TNNI3K: variants seen among roughly 807,000 people sequenced by gnomAD.
TNNI3K encodes the protein serine/threonine-protein kinase TNNI3K.
In TNNI3K, 140 loss-of-function variants were observed where a neutral mutation model predicts 114.5. The observed-to-expected ratio is 1.22, with a 90% confidence interval of 1.07 to 1.41. TNNI3K has a LOEUF of 1.41. TNNI3K is among the 40% of genes most tolerant of loss of function. The pLI, the probability that TNNI3K is intolerant of heterozygous loss-of-function variation, is 0.00. For synonymous variants in TNNI3K, 347 were observed against 347.5 expected, an observed-to-expected ratio of 1.00 and a Z score of 0.02; for missense variants, 1,125 against 1,007.6, an observed-to-expected ratio of 1.12 and a Z score of -1.58.
intron 4 of TNNI3K, among the ~76,000 whole-genome samples, chr1:74,257,084 C>A (rs1655361710): frequency 6.6e-6 from 1 of 151,944 alleles, no homozygotes; most frequent in Non-Finnish European, 1.5e-5. Flanking sequence ...CTTCTTCTTT[C>A]TTTCTGTTCT....
intron 23 of TNNI3K, among the ~76,000 whole-genome samples, chr1:74,524,532 A>C (rs1030234011): frequency 6.6e-6 from 1 of 152,172 alleles, no homozygotes; most frequent in Non-Finnish European, 1.5e-5. Flanking sequence ...AAAGTCACAT[A>C]AATCTCTTCT....
intron 2 of TNNI3K, among the ~76,000 whole-genome samples, chr1:74,238,875 G>A (rs1005121621): frequency 6.6e-6 from 1 of 152,030 alleles, no homozygotes; most frequent in African/African-American, 2.4e-5. Context: ...GATGGAGACT[G>A]TAGTACTTGC....
chr1:74,273,141 T>C (rs1656457823), intron 5 of TNNI3K, among the ~76,000 whole-genome samples: 1 of 151,924 alleles, frequency 6.6e-6, no homozygotes, highest in African/African-American at 2.4e-5. Context: ...CCATCTCCCT[T>C]AACAGTGTCA....
rs192207234 is a variant in TNNI3K at position 74,239,437 on chromosome 1, T to C, written c.149+3227T>C. On this transcript the variant is annotated intron_variant, in intron 2 of 24. Coordinates refer to ENST00000326637, the MANE Select transcript of TNNI3K (RefSeq NM_015978.3). ...TATCTAGAGCATTATAGGTGCTAAA[T>C]AAATGTTAGAATCTCATTACTCACC... 2.5e-3 allele frequency among the ~76,000 whole-genome samples: 376 copies of C among 152,218 alleles called. 1 individual carries two copies. Among genetic ancestry groups the C allele is most frequent in the African/African-American group, 8.6e-3 (356 of 41,556 alleles).
intron 17 of TNNI3K, among the ~76,000 whole-genome samples, chr1:74,387,996 A>G (rs900268012): frequency 6.6e-6 from 1 of 152,174 alleles, no homozygotes; most frequent in Admixed American, 6.5e-5. Flanking sequence ...AAGAACACTT[A>G]AGGCCGGGCA....
chr1:74,307,670 T>G (rs1314344671), intron 5 of TNNI3K, among the ~76,000 whole-genome samples: 4 of 152,076 alleles, frequency 2.6e-5, no homozygotes, highest in Admixed American at 1.3e-4. Context: ...AGAAAAGAGA[T>G]AGACAACCAT....
intron 17 of TNNI3K, among the ~76,000 whole-genome samples, chr1:74,376,359 C>T (rs773677924): frequency 2.0e-5 from 3 of 151,836 alleles, no homozygotes; most frequent in East Asian, 1.9e-4. Context: ...TATAGAGTCC[C>T]TCTCCCAGCT....
intron 9 of TNNI3K, among the ~76,000 whole-genome samples, chr1:74,352,020 T>A (rs1222062191): frequency 1.3e-5 from 2 of 152,228 alleles, no homozygotes; most frequent in Non-Finnish European, 2.9e-5. Context: ...AGGAGCTGTG[T>A]TCCTTTGGAG....
rs1662321830 is a variant in TNNI3K at position 74,367,244 on chromosome 1, CT to C, written c.1178-8del. The stretch of plus-strand genomic sequence containing the variant: ...ATTTAGGACTCTTTGTTCTTTGTAT[CT>C]TTTCATAAAGGGCATGATGCCATTG... On this transcript the variant is annotated splice_polypyrimidine_tract_variant and intron_variant, in intron 11 of 24. Transcript: ENST00000326637. 1 of 1,609,754 alleles carries C rather than the reference CT, an allele frequency of 6.2e-7. No individual in the cohort carries two copies. The highest frequency in any genetic ancestry group is 1.1e-5 in the South Asian group (1 of 90,432).
chr1:74,534,035 A>C lies in TNNI3K; in HGVS notation c.2352-6199A>C, dbSNP rs146461082. 4.0e-3 allele frequency among the ~76,000 whole-genome samples: 606 copies of C among 152,286 alleles called. 5 individuals carry two copies. Among genetic ancestry groups the C allele is most frequent in the African/African-American group, 0.014 (573 of 41,564 alleles). ...TTTGCATCCCCAAAACGCCGGTGAA[A>C]TTAATTCCTTCCCAGACACCCCACA... On this transcript the variant is annotated intron_variant, in intron 23 of 24. Transcript: ENST00000326637.
At chr1:74,471,209 G>A (rs147363976) in intron 21 of TNNI3K, 9 of 400,672 alleles carry the variant, frequency 2.2e-5, no homozygotes, top group East Asian at 3.6e-5. Context: ...AGGGGGGCAC[G>A]TTTAGTGTTT....
chr1:74,237,573 C>T (rs1416155988), intron 2 of TNNI3K, among the ~76,000 whole-genome samples: 1 of 151,814 alleles, frequency 6.6e-6, no homozygotes, highest in African/African-American at 2.4e-5. Flanking sequence ...TAGATGTATC[C>T]AAACCTGAAT....
intron 5 of TNNI3K, among the ~76,000 whole-genome samples, chr1:74,305,445 C>G (rs992288735): frequency 6.6e-6 from 1 of 152,152 alleles, no homozygotes; most frequent in East Asian, 1.9e-4. Context: ...CCAGTCAATC[C>G]CATGAAGAGC....
chr1:74,250,847 T>TC, intron 4 of TNNI3K, 78 bp downstream of exon 4: 3 of 1,257,478 alleles, frequency 2.4e-6, no homozygotes, highest in Non-Finnish European at 3.2e-6. Flanking sequence ...TTTTTTTTTT[T>TC]CAAATTAGTA....
intron 9 of TNNI3K, among the ~76,000 whole-genome samples, chr1:74,351,085 G>T (rs1453354210): frequency 6.6e-6 from 1 of 151,504 alleles, no homozygotes; most frequent in South Asian, 2.1e-4. Flanking sequence ...AATTTGGCAT[G>T]TTTTTGCAGT....
intron 7 of TNNI3K, among the ~76,000 whole-genome samples, chr1:74,337,634 T>G (rs572107047): frequency 6.6e-6 from 1 of 152,270 alleles, no homozygotes; most frequent in East Asian, 1.9e-4. Flanking sequence ...TATGTATACA[T>G]CCATTGAAAA....
At chr1:74,371,342 A>G (rs1172900313) in intron 17 of TNNI3K, 2 of 151,848 alleles carry the variant, frequency 1.3e-5, no homozygotes, top group Admixed American at 1.3e-4. Context: ...CATAGACTAC[A>G]TTCAGGGAGT....
chr1:74,331,275 C>G (rs1187335600), intron 5 of TNNI3K, among the ~76,000 whole-genome samples, 175 bp from the exon 6 acceptor site: 1 of 152,140 alleles, frequency 6.6e-6, no homozygotes, highest in Non-Finnish European at 1.5e-5. Flanking sequence ...GAAATTTAGT[C>G]TTTATCTTTC....
intron 23 of TNNI3K, among the ~76,000 whole-genome samples, chr1:74,511,457 T>C (rs1375341210): frequency 1.3e-5 from 2 of 152,206 alleles, no homozygotes; most frequent in Admixed American, 1.3e-4. Context: ...ATTTTCTTTA[T>C]TTAAAGAATT....
Sources: allele counts gnomAD v4.1 joint callset (sites outside exome capture counted in the v4.1 genomes callset), GRCh38; gene constraint gnomAD v4.1.1; transcripts MANE v1.5; gene names NCBI Gene and HGNC (gene_info 2026-07-23, HGNC 2026-07-21).